The following SGMS1 variants were observed in gnomAD, a reference collection of about 807,000 sequenced individuals.
SGMS1 encodes the protein phosphatidylcholine:ceramide cholinephosphotransferase 1.
In SGMS1, 13 loss-of-function variants were observed where a neutral mutation model predicts 46.2. The observed-to-expected ratio is 0.28, with a 90% CI of 0.18 to 0.45. SGMS1 has a LOEUF of 0.45. SGMS1 is among the 20% of genes least tolerant of loss of function. SGMS1 has a pLI of 1.00. For missense variants in SGMS1, 324 were observed against 519.9 expected, an observed-to-expected ratio of 0.62 and a Z score of 3.66; for synonymous variants, 203 against 187.8, an observed-to-expected ratio of 1.08 and a Z score of -0.66.
intron 1 of SGMS1, among the ~76,000 whole-genome samples, chr10:50,617,668 G>A (rs778842071): frequency 1.2e-4 from 19 of 152,066 alleles, no homozygotes; most frequent in Admixed American, 2.6e-4. Context: ...TGCAAACTCC[G>A]CCTCCTGAGC....
intron 3 of SGMS1, among the ~76,000 whole-genome samples, chr10:50,511,992 TA>T (rs1397415175): frequency 6.6e-6 from 1 of 152,098 alleles, no homozygotes; most frequent in Non-Finnish European, 1.5e-5. Context: ...ACGCACACAG[TA>T]GATGTCAATA....
intron 3 of SGMS1, among the ~76,000 whole-genome samples, chr10:50,468,967 G>C (rs539215079): frequency 6.6e-6 from 1 of 152,314 alleles, no homozygotes; most frequent in East Asian, 1.9e-4. Context: ...AACCCTATGT[G>C]TGTGTGTTGG....
Position 50,585,143 on chromosome 10 carries a change from C to A in SGMS1, c.-589+5010G>T, listed in dbSNP as rs369300915. Among the ~76,000 whole-genome samples, 47 of 152,196 alleles carry A rather than the reference C, an allele frequency of 3.1e-4. No individual in the cohort carries two copies. In the East Asian group the frequency reaches 3.3e-3, roughly 11 times the overall value. On this transcript the variant is annotated intron_variant, in intron 2 of 10. Coordinates refer to ENST00000361781, the MANE Select transcript of SGMS1 (RefSeq NM_147156.4). ...TGACTTTGATAAGCAAATAGATAAGCACACAAACAGAGATAGATTAATTTG... is the reference window on the plus strand; with the variant it reads ...TGACTTTGATAAGCAAATAGATAAGAACACAAACAGAGATAGATTAATTTG...
intron 2 of SGMS1, among the ~76,000 whole-genome samples, chr10:50,558,523 A>G (rs1339841668): frequency 6.6e-6 from 1 of 152,214 alleles, no homozygotes; most frequent in Non-Finnish European, 1.5e-5. Context: ...TTCCTGATTA[A>G]TGGCAGGGCT....
Position 50,305,857 on chromosome 10 carries a change from TTCTTAAAAAAC to T in SGMS1, c.*1274_*1284del, listed in dbSNP as rs1847176230. The T allele has an allele frequency of 6.5e-6, 1 of 152,732 alleles. No individual in the cohort carries two copies. Among genetic ancestry groups the T allele is most frequent in the African/African-American group, 2.4e-5 (1 of 41,470 alleles). The allele number at this position is 152,732 out of a possible 1,614,324, so 9.5% of individuals were successfully genotyped here. ...CAGAATGGATATATATACTTCTTCA[TTCTTAAAAAAC>T]TATTTTGTTCTCCACATTGGCAAGT... On this transcript the variant is annotated 3_prime_UTR_variant, in exon 11 of 11. Coordinates refer to ENST00000361781, the MANE Select transcript of SGMS1 (RefSeq NM_147156.4).
intron 1 of SGMS1, among the ~76,000 whole-genome samples, chr10:50,617,082 G>A (rs1361481463): frequency 6.6e-6 from 1 of 152,082 alleles, no homozygotes; most frequent in East Asian, 1.9e-4. Flanking sequence ...AATTGGGGGG[G>A]CATAAAAACA....
At chr10:50,589,125 T>TA (rs1251064738) in intron 2 of SGMS1, among the ~76,000 whole-genome samples, 2 of 151,954 alleles carry the variant, frequency 1.3e-5, no homozygotes, top group African/African-American at 2.4e-5. Context: ...CGGGGATGGG[T>TA]AGATTACAGG....
At position 50,496,710 on chromosome 10, in the gene SGMS1, C is replaced by A. The variant is rs11005946; in HGVS notation, c.-498+23121G>T. ...TCCCATGGCTTTGGGAGAATAAAAA[C>A]AGCTCCTCTCTACCAGTACCTAGGC... On this transcript the variant is annotated intron_variant, in intron 3 of 10. Coordinates refer to ENST00000361781, the MANE Select transcript of SGMS1 (RefSeq NM_147156.4). 3.3e-3 allele frequency among the ~76,000 whole-genome samples: 506 copies of A among 152,266 alleles called. 1 individual carries two copies. The highest frequency in any genetic ancestry group is 6.2e-3 in the Non-Finnish European group (421 of 68,022).
intron 2 of SGMS1, among the ~76,000 whole-genome samples, chr10:50,580,107 G>T (rs116441952): frequency 0.011 from 1,661 of 152,212 alleles, 28 homozygotes; most frequent in African/African-American, 0.039. Flanking sequence ...AAAATTTAAA[G>T]TAATCAAACT....
chr10:50,340,351 A>G (rs1406468666), intron 7 of SGMS1: 4 of 152,186 alleles, frequency 2.6e-5, no homozygotes, highest in Non-Finnish European at 5.9e-5. Flanking sequence ...TAAGTTTAAT[A>G]TGTTCTTTAT....
At chr10:50,392,205 T>G (rs980828289) in intron 6 of SGMS1, among the ~76,000 whole-genome samples, 2 of 142,772 alleles carry the variant, frequency 1.4e-5, no homozygotes, top group African/African-American at 2.6e-5. Context: ...AAAAAAAAAC[T>G]GAAATGTTGC....
chr10:50,519,575 C>T (rs56165069), intron 3 of SGMS1, among the ~76,000 whole-genome samples: 5,191 of 152,298 alleles, frequency 0.034, 289 homozygotes, highest in African/African-American at 0.12. Flanking sequence ...TTGCTTTATG[C>T]ATTTCTACCA....
intron 2 of SGMS1, among the ~76,000 whole-genome samples, chr10:50,580,596 G>C (rs1445123369): frequency 1.3e-5 from 2 of 152,200 alleles, no homozygotes; most frequent in African/African-American, 4.8e-5. Context: ...AATGACGTGA[G>C]TGGGCAACTA....
At chr10:50,370,821 C>T (rs1274478510) in intron 6 of SGMS1, among the ~76,000 whole-genome samples, 2 of 151,764 alleles carry the variant, frequency 1.3e-5, no homozygotes, top group East Asian at 1.9e-4. Flanking sequence ...TACTGTTTTC[C>T]ACCTTCCACA....
chr10:50,502,831 G>A lies in SGMS1; in HGVS notation c.-498+17000C>T, dbSNP rs1342224393. 2.0e-5 allele frequency among the ~76,000 whole-genome samples: 3 copies of A among 152,046 alleles called. No individual in the cohort carries two copies. The East Asian group carries it at 5.8e-4, about 29-fold the overall frequency. On this transcript the variant is annotated intron_variant, in intron 3 of 10. Transcript: ENST00000361781. ...TCCATTTTAAAAATAGTCCCCAAAA[G>A]TGGACTGATTTGTTACTGGTCAGAA...
At chr10:50,409,404 C>A (rs1029913428) in intron 6 of SGMS1, among the ~76,000 whole-genome samples, 1 of 152,156 alleles carries the variant, frequency 6.6e-6, no homozygotes, top group African/African-American at 2.4e-5. Context: ...CCCATTTATT[C>A]CCTGAACTGT....
intron 2 of SGMS1, 54 bp from the exon 3 acceptor site, chr10:50,519,975 G>A (rs1018769566): frequency 6.6e-6 from 1 of 152,152 alleles, no homozygotes; most frequent in Non-Finnish European, 1.5e-5. Flanking sequence ...GGAACAAAAG[G>A]GCCCACTTGG....
intron 2 of SGMS1, among the ~76,000 whole-genome samples, chr10:50,566,706 A>G (rs1838290778): frequency 2.6e-5 from 4 of 152,236 alleles, no homozygotes; most frequent in Admixed American, 2.6e-4. Flanking sequence ...TCTGAGTTAT[A>G]CACAGTACGG....
intron 1 of SGMS1, among the ~76,000 whole-genome samples, chr10:50,612,644 C>T (rs1023998438): frequency 5.9e-5 from 9 of 152,294 alleles, no homozygotes; most frequent in African/African-American, 1.4e-4. Context: ...GATAGAAAGT[C>T]GTTAATCTTC....
Sources: gnomAD v4.1 joint callset for allele counts (sites outside exome capture counted in the v4.1 genomes callset) on GRCh38, gnomAD v4.1.1 for gene constraint, MANE v1.5 for transcripts, NCBI Gene and HGNC (gene_info 2026-07-23, HGNC 2026-07-21) for gene names.